MPP4: variants seen among roughly 807,000 people sequenced by gnomAD.
The protein encoded by MPP4 is MAGUK p55 scaffold protein 4, also known as MAGUK p55 subfamily member 4.
A neutral mutation model predicts 98.3 loss-of-function variants in MPP4; 91 were observed. That is an observed-to-expected ratio of 0.93 (90% CI 0.78 to 1.10). The LOEUF (loss-of-function observed/expected upper bound fraction) is 1.10. Among genes scored for constraint, MPP4 ranks in the 50% least tolerant of loss-of-function variants. The pLI is 0.00. For synonymous variants in MPP4, 261 were observed against 271.8 expected (o/e 0.96, Z 0.39); for missense variants, 744 against 792.9 (o/e 0.94, Z 0.74).
chr2:201,664,241 C>T, intron 13 of MPP4, 140 bp from the exon 14 acceptor site: 6 of 1,487,974 alleles, frequency 4.0e-6, no homozygotes, highest in Non-Finnish European at 5.4e-6. Context: ...AAATCAAGGT[C>T]GAATCGATGG....
intron 13 of MPP4, 159 bp from the exon 14 acceptor site, chr2:201,664,260 T>C (rs1688103593): frequency 6.7e-7 from 1 of 1,486,146 alleles, no homozygotes; most frequent in Non-Finnish European, 9.1e-7. Flanking sequence ...GGTGTCTCTA[T>C]GGCATATATC....
intron 15 of MPP4, among the ~76,000 whole-genome samples, chr2:201,659,101 G>C (rs1687945002): frequency 6.6e-6 from 1 of 152,216 alleles, no homozygotes; most frequent in East Asian, 1.9e-4. Context: ...TCACCATGTT[G>C]GTCAGGCTGG....
intron 18 of MPP4, chr2:201,652,030 G>A (rs1687728055): frequency 1.0e-6 from 1 of 975,188 alleles, no homozygotes; most frequent in Non-Finnish European, 1.2e-6. Flanking sequence ...TTGCTTTTCA[G>A]ATTAATGCAC....
At chr2:201,678,732 G>A (rs534245467) in intron 10 of MPP4, among the ~76,000 whole-genome samples, 5 of 152,168 alleles carry the variant, frequency 3.3e-5, no homozygotes, top group South Asian at 2.1e-4. Flanking sequence ...GAGGTGGGGG[G>A]TGTGTCCTTG....
At chr2:201,698,104 G>C (rs925111087) in intron 1 of MPP4, 44 of 994,206 alleles carry the variant, frequency 4.4e-5, no homozygotes, top group Non-Finnish European at 5.0e-5. Context: ...AGATGCATTA[G>C]TGTGACTGAT....
In MPP4 at chr2:201,654,869, A is replaced by C; in HGVS notation, c.1349T>G (p.Phe450Cys). Reference protein sequence around the residue: ...VNELRRQLIEFNPSHFQSAVP... With the variant: ...VNELRRQLIECNPSHFQSAVP... ...AGCACTTTGAAAATGGCTGGGATTA[A>C]ATTCAATAAGTTGTCTTCTGAGCTC... The change falls in exon 18 of 22, where the codon TTT becomes TGT. Residue 450 changes from phenylalanine (F) to cysteine (C), a missense_variant. By Grantham distance (205) the Phe-to-Cys change is radical. Transcript: ENST00000409474. 6.2e-7 allele frequency: 1 copy of C among 1,605,514 alleles called. No individual in the cohort carries two copies. Among genetic ancestry groups the C allele is most frequent in the South Asian group, 1.1e-5 (1 of 88,668 alleles).
chr2:201,690,431 G>T (rs2105947793), intron 3 of MPP4, among the ~76,000 whole-genome samples, 152 bp from the exon 4 acceptor site: 1 of 152,330 alleles, frequency 6.6e-6, no homozygotes, highest in African/African-American at 2.4e-5. Flanking sequence ...TGTGTCTCTA[G>T]TTGCCAAAGA....
At chr2:201,692,558 A>G (rs548039494) in intron 3 of MPP4, among the ~76,000 whole-genome samples, 320 of 152,078 alleles carry the variant, frequency 2.1e-3, no homozygotes, top group South Asian at 1.0e-2. Flanking sequence ...AAAAAAAAAA[A>G]AAATAGGTAA....
At chr2:201,655,949 C>T (rs1168622989) in intron 17 of MPP4, among the ~76,000 whole-genome samples, 1 of 152,066 alleles carries the variant, frequency 6.6e-6, no homozygotes, top group Admixed American at 6.5e-5. Flanking sequence ...ATAATGACAT[C>T]GTAATACTGG....
intron 1 of MPP4, 107 bp from the exon 2 acceptor site, chr2:201,694,161 A>C: frequency 1.9e-6 from 2 of 1,079,006 alleles, no homozygotes; most frequent in Admixed American, 2.9e-5. Context: ...CCTACTCTTA[A>C]CCATCACCAG....
At position 201,687,271 on chromosome 2, in the gene MPP4, C is replaced by G. The variant is rs776810814; in HGVS notation, c.360+20G>C. 1.9e-6 allele frequency: 3 copies of G among 1,556,652 alleles called. No individual in the cohort carries two copies. The East Asian group carries it at 7.1e-5, about 37-fold the overall frequency. On this transcript the variant is annotated intron_variant, in intron 5 of 21. Coordinates refer to ENST00000409474, the MANE Select transcript of MPP4 (RefSeq NM_033066.3). Reference sequence around the variant, plus strand: ...TATGTGCCAGATGGGGACATCTTTTCTATTTTAGCAGGCACTTGCCTTGAA... The same window carrying G: ...TATGTGCCAGATGGGGACATCTTTTGTATTTTAGCAGGCACTTGCCTTGAA...
intron 3 of MPP4, among the ~76,000 whole-genome samples, chr2:201,691,856 A>G (rs1332392597): frequency 2.0e-5 from 3 of 152,214 alleles, no homozygotes; most frequent in African/African-American, 7.2e-5. Context: ...AGGGTACCTA[A>G]ACAGAACTGT....
At chr2:201,677,693 G>C (rs1688544002) in intron 10 of MPP4, among the ~76,000 whole-genome samples, 2 of 152,128 alleles carry the variant, frequency 1.3e-5, no homozygotes, top group Non-Finnish European at 1.5e-5. Context: ...CAGATTCCTG[G>C]CTCAGTCCAT....
chr2:201,659,738 G>T (rs933514096), intron 15 of MPP4, among the ~76,000 whole-genome samples: 30 of 152,318 alleles, frequency 2.0e-4, no homozygotes, highest in African/African-American at 7.0e-4. Context: ...GGAGGCTGAG[G>T]CAGGAGAATC....
intron 20 of MPP4, among the ~76,000 whole-genome samples, chr2:201,648,717 T>C (rs1687635860): frequency 6.6e-6 from 1 of 152,198 alleles, no homozygotes; most frequent in Admixed American, 6.5e-5. Flanking sequence ...ACTACTACCA[T>C]CTGTTTTCCT....
Position 201,654,902 on chromosome 2 carries a change from C to A in MPP4, c.1316G>T (p.Gly439Val). The change falls in exon 18 of 22, where the codon GGA (glycine) becomes GTA (valine). Residue 439 changes from glycine to valine, a missense_variant. By Grantham distance (109) the Gly-to-Val change is moderately radical (BLOSUM62 -3). Coordinates refer to ENST00000409474, the MANE Select transcript of MPP4 (RefSeq NM_033066.3). Reference sequence around the variant, plus strand: ...AAGTTGTCTTCTGAGCTCATTTACTCCAACACCAGAGGGTCCTAAACACAA... The same window carrying A: ...AAGTTGTCTTCTGAGCTCATTTACTACAACACCAGAGGGTCCTAAACACAA... ...LIVLMGPSGV[G>V]VNELRRQLIE... 6.2e-7 allele frequency: 1 copy of A among 1,603,726 alleles called. No homozygotes were observed. The highest frequency in any genetic ancestry group is 1.1e-5 in the South Asian group (1 of 88,554).
intron 1 of MPP4, among the ~76,000 whole-genome samples, chr2:201,694,907 C>G (rs1689138086): frequency 6.6e-6 from 1 of 152,088 alleles, no homozygotes; most frequent in African/African-American, 2.4e-5. Flanking sequence ...AGCCATCGCA[C>G]CTGGCCTAGA....
Position 201,680,257 on chromosome 2 carries a change from G to A in MPP4, c.929+581C>T, listed in dbSNP as rs570564600. 30 of 152,666 alleles carry A rather than the reference G, an allele frequency of 2.0e-4. 1 individual carries two copies. In the East Asian group the frequency reaches 2.5e-3, roughly 13 times the overall value. 9.5% of individuals were successfully genotyped at this position (152,666 alleles called of 1,614,324 possible). On this transcript the variant is annotated intron_variant, in intron 10 of 21. Coordinates refer to ENST00000409474, the MANE Select transcript of MPP4 (RefSeq NM_033066.3). Reference sequence around the variant, plus strand: ...GTGCAGGCTGCTATAACAAAGTACCGTAAACTGGGTCACTTACAAACAACA... The same window carrying A: ...GTGCAGGCTGCTATAACAAAGTACCATAAACTGGGTCACTTACAAACAACA...
Position 201,686,023 on chromosome 2 carries a change from C to A in MPP4, c.388G>T (p.Ala130Ser). The A allele has an allele frequency of 6.2e-7, 1 of 1,612,328 alleles. No homozygotes were observed. The highest frequency in any genetic ancestry group is 1.7e-4 in the Middle Eastern group (1 of 6,042). Residue 130 changes from alanine to serine, a missense_variant, in exon 6 of 22, where the codon GCT becomes TCT. Coordinates refer to ENST00000409474, the MANE Select transcript of MPP4 (RefSeq NM_033066.3). The part of the protein sequence containing the change: ...KALLSAHDTI[A>S]QKDFEPLLPP... ...AGAAGGGGTTCAAAATCTTTCTGAG[C>A]TATCGTGTCATGGGCACTGAGCAAG...
Sources: allele counts gnomAD v4.1 joint callset (sites outside exome capture counted in the v4.1 genomes callset), GRCh38; gene constraint gnomAD v4.1.1; transcripts MANE v1.5; gene names NCBI Gene and HGNC (gene_info 2026-07-23, HGNC 2026-07-21).